PLXNA4: variants seen among roughly 807,000 people sequenced by gnomAD.
The protein encoded by PLXNA4 is plexin-A4.
In PLXNA4, 44 loss-of-function variants were observed where a neutral mutation model predicts 191.8. The ratio of observed to expected loss-of-function variants is 0.23; its 90% CI spans 0.18 to 0.29. The LOEUF (loss-of-function observed/expected upper bound fraction) is 0.29, where lower values mean the gene tolerates loss of function less well. PLXNA4 is among the 10% of genes least tolerant of loss of function. PLXNA4 has a pLI of 1.00. For synonymous variants in PLXNA4, 1,082 were observed against 1,009.5 expected, an observed-to-expected ratio of 1.07 and a Z score of -1.36; for missense variants, 1,800 against 2,488.8, an observed-to-expected ratio of 0.72 and a Z score of 5.89.
intron 1 of PLXNA4, among the ~76,000 whole-genome samples, chr7:132,554,938 G>A (rs1157177007): frequency 6.6e-6 from 1 of 151,178 alleles, no homozygotes; most frequent in Non-Finnish European, 1.5e-5. Context: ...TATCAGGTAG[G>A]CTCCAGGCAA....
chr7:132,153,440 C>A (rs1436242498), intron 25 of PLXNA4, among the ~76,000 whole-genome samples: 2 of 152,036 alleles, frequency 1.3e-5, no homozygotes, highest in Admixed American at 6.5e-5. Flanking sequence ...GGATGGCCAC[C>A]TTTGTCCAAA....
At chr7:132,314,497 G>A (rs1303662861) in intron 3 of PLXNA4, among the ~76,000 whole-genome samples, 1 of 152,150 alleles carries the variant, frequency 6.6e-6, no homozygotes, top group Non-Finnish European at 1.5e-5. Context: ...TGCTTCTTGG[G>A]GCCTTCCATG....
At chr7:132,304,798 C>A (rs1801445916) in intron 3 of PLXNA4, among the ~76,000 whole-genome samples, 1 of 152,106 alleles carries the variant, frequency 6.6e-6, no homozygotes, top group Non-Finnish European at 1.5e-5. Context: ...CCCTCCCTCC[C>A]CCCTGTCCTC....
chr7:132,163,251 T>C (rs1178636944), intron 24 of PLXNA4, among the ~76,000 whole-genome samples: 1 of 152,004 alleles, frequency 6.6e-6, no homozygotes, highest in African/African-American at 2.4e-5. Context: ...GAGCAGCGAG[T>C]GGACGCACGG....
intron 3 of PLXNA4, among the ~76,000 whole-genome samples, chr7:132,413,113 C>G (rs1794526324): frequency 6.6e-6 from 1 of 152,184 alleles, no homozygotes; most frequent in African/African-American, 2.4e-5. Flanking sequence ...CATTAACACT[C>G]TCATTACTAG....
intron 3 of PLXNA4, among the ~76,000 whole-genome samples, chr7:132,483,353 T>C (rs897589937): frequency 2.6e-5 from 4 of 152,214 alleles, no homozygotes; most frequent in Non-Finnish European, 5.9e-5. Context: ...GGACCACTTA[T>C]GGTTGGGGGC....
intron 1 of PLXNA4, among the ~76,000 whole-genome samples, chr7:132,548,318 G>T (rs1411281886): frequency 6.6e-6 from 1 of 152,164 alleles, no homozygotes; most frequent in Non-Finnish European, 1.5e-5. Flanking sequence ...GGATTTTTAT[G>T]ATAAGCAGAT....
intron 3 of PLXNA4, among the ~76,000 whole-genome samples, chr7:132,481,161 G>T (rs544765990): frequency 6.6e-6 from 1 of 152,114 alleles, no homozygotes; most frequent in African/African-American, 2.4e-5. Flanking sequence ...TGTCCCTAAA[G>T]TGCTCCCCTC....
rs78557901 is a variant in PLXNA4, at chr7:132,401,199, T to G, written c.1371+88093A>C. On this transcript the variant is annotated intron_variant, in intron 3 of 31. Coordinates refer to ENST00000321063, the MANE Select transcript of PLXNA4 (RefSeq NM_020911.2). ...ACCAGTCAATTTTCCATTTGTGATA[T>G]TGTACTATAGTTATGCAAAATGATG... Among the ~76,000 whole-genome samples the G allele has an allele frequency of 2.7e-3, 415 of 152,342 alleles. 1 individual carries two copies. The highest frequency in any genetic ancestry group is 9.3e-3 in the African/African-American group (387 of 41,584).
intron 3 of PLXNA4, among the ~76,000 whole-genome samples, chr7:132,301,052 T>C (rs745662098): frequency 1.3e-5 from 2 of 152,160 alleles, no homozygotes; most frequent in Non-Finnish European, 2.9e-5. Context: ...TGGACAAGGT[T>C]CCATAGGCCT....
At chr7:132,431,536 C>A in intron 3 of PLXNA4, among the ~76,000 whole-genome samples, 1 of 152,266 alleles carries the variant, frequency 6.6e-6, no homozygotes, top group East Asian at 1.9e-4. Context: ...AGGGGGAAGA[C>A]GTGACTCAGA....
chr7:132,376,307 C>T (rs1247335340), intron 3 of PLXNA4, among the ~76,000 whole-genome samples: 1 of 152,130 alleles, frequency 6.6e-6, no homozygotes, highest in East Asian at 1.9e-4. Flanking sequence ...GGACCCCCAG[C>T]CGAGGATACA....
chr7:132,640,285 C>T (rs1301865102), intron 2 of PLXNA4, among the ~76,000 whole-genome samples: 1 of 152,176 alleles, frequency 6.6e-6, no homozygotes, highest in African/African-American at 2.4e-5. Flanking sequence ...GAAGTTATGG[C>T]TTTCAGGGAT....
At chr7:132,436,995 C>G (rs111549049) in intron 3 of PLXNA4, among the ~76,000 whole-genome samples, 2 of 152,168 alleles carry the variant, frequency 1.3e-5, no homozygotes, top group African/African-American at 4.8e-5. Flanking sequence ...TGCTGCAATG[C>G]CCTACAGATG....
chr7:132,311,971 C>T (rs1166174052), intron 3 of PLXNA4, among the ~76,000 whole-genome samples: 1 of 152,032 alleles, frequency 6.6e-6, no homozygotes. Flanking sequence ...CAGGAGAGAG[C>T]TTGGCTGGAA....
chr7:132,178,841 TATATACACAC>T (rs1389671464), intron 20 of PLXNA4, among the ~76,000 whole-genome samples: 11 of 42,040 alleles, frequency 2.6e-4, no homozygotes, highest in Admixed American at 7.7e-4. Context: ...CACATACACA[TATATACACAC>T]ACACACACAC....
intron 4 of PLXNA4, among the ~76,000 whole-genome samples, chr7:132,253,129 T>G (rs767339732): frequency 1.3e-5 from 2 of 152,160 alleles, no homozygotes; most frequent in Non-Finnish European, 2.9e-5. Flanking sequence ...CTTGGGAAAT[T>G]AAAATAATAT....
intron 5 of PLXNA4, among the ~76,000 whole-genome samples, chr7:132,229,034 G>A (rs1798433025): frequency 6.6e-6 from 1 of 152,120 alleles, no homozygotes; most frequent in South Asian, 2.1e-4. Flanking sequence ...ACTTTAATAA[G>A]TCTGGAATTT....
At chr7:132,245,023 C>G (rs1022917901) in intron 4 of PLXNA4, among the ~76,000 whole-genome samples, 10 of 152,130 alleles carry the variant, frequency 6.6e-5, no homozygotes, top group African/African-American at 2.4e-4. Flanking sequence ...CTGCCTCTCC[C>G]ATCCCCCAAC....
Sources: gnomAD v4.1 joint callset for allele counts (sites outside exome capture counted in the v4.1 genomes callset) on GRCh38, gnomAD v4.1.1 for gene constraint, MANE v1.5 for transcripts, NCBI Gene and HGNC (gene_info 2026-07-23, HGNC 2026-07-21) for gene names.